GLRA3: variants seen among roughly 807,000 people sequenced by gnomAD.
The protein encoded by GLRA3 is glycine receptor alpha 3.
GLRA3 carries 44 observed loss-of-function variants against 60.4 expected under a neutral mutation model. The ratio of observed to expected loss-of-function variants is 0.73; its 90% CI spans 0.57 to 0.94. GLRA3 has a LOEUF of 0.94. GLRA3 is among the 40% of genes least tolerant of loss of function. The pLI, the probability that GLRA3 is intolerant of heterozygous loss-of-function variation, is 0.00. For synonymous variants in GLRA3, 223 were observed against 192.9 expected (o/e 1.16, Z -1.29); for missense variants, 508 against 564.6 (o/e 0.90, Z 1.02).
intron 4 of GLRA3, among the ~76,000 whole-genome samples, chr4:174,716,659 C>T (rs1481297184): frequency 6.6e-6 from 1 of 152,058 alleles, no homozygotes; most frequent in Non-Finnish European, 1.5e-5. Flanking sequence ...ACTTCAAATC[C>T]CCTATATTGC....
Position 174,643,123 on chromosome 4 carries a change from T to C in GLRA3, c.*663A>G. 1.1e-6 allele frequency: 1 copy of C among 904,426 alleles called. No homozygotes were observed. Among genetic ancestry groups the C allele is most frequent in the Non-Finnish European group, 1.3e-6 (1 of 757,054 alleles). The allele number at this position is 904,426 out of a possible 1,614,324, so 56.0% of individuals were successfully genotyped here. A position where few individuals can be genotyped will look rare whatever the true frequency, so the allele number is the denominator to read the frequency against. ...CTAGAGATACAAAGTTTAAGAAAAGTAGATTGTGACTGTAACACGATCTCT... is the reference window on the plus strand; with the variant it reads ...CTAGAGATACAAAGTTTAAGAAAAGCAGATTGTGACTGTAACACGATCTCT... On this transcript the variant is annotated 3_prime_UTR_variant, in exon 10 of 10. Transcript: ENST00000274093.
chr4:174,822,104 A>G (rs551576877), intron 1 of GLRA3, among the ~76,000 whole-genome samples: 15 of 152,320 alleles, frequency 9.8e-5, no homozygotes, highest in Non-Finnish European at 1.6e-4. Flanking sequence ...TCTAAAACAC[A>G]AATTGGAAAT....
At chr4:174,707,481 A>G (rs1735559586) in intron 5 of GLRA3, among the ~76,000 whole-genome samples, 1 of 152,148 alleles carries the variant, frequency 6.6e-6, no homozygotes, top group South Asian at 2.1e-4. Context: ...TGTATGTGTC[A>G]TCTGAAACTG....
intron 1 of GLRA3, among the ~76,000 whole-genome samples, chr4:174,822,649 G>A (rs571458993): frequency 1.3e-5 from 2 of 152,234 alleles, no homozygotes; most frequent in African/African-American, 4.8e-5. Context: ...ATCATTCTAT[G>A]TTGGCAATGG....
At position 174,642,784 on chromosome 4, in the gene GLRA3, GA is replaced by G; in HGVS notation, c.*1001del. The G allele has an allele frequency of 1.2e-6, 1 of 802,412 alleles. No homozygotes were observed. The highest frequency in any genetic ancestry group is 1.5e-6 in the Non-Finnish European group (1 of 663,312). 49.7% of individuals were successfully genotyped at this position (802,412 alleles called of 1,614,324 possible). Reference sequence around the variant, plus strand: ...GTTGAGACCCATAAAACATTGATGGGAAAATGGTTTTTATTAAAAAATCTTC... The same window carrying G: ...GTTGAGACCCATAAAACATTGATGGGAAATGGTTTTTATTAAAAAATCTTC... On this transcript the variant is annotated 3_prime_UTR_variant, in exon 10 of 10. Transcript: ENST00000274093.
chr4:174,757,656 G>C (rs930193951), intron 3 of GLRA3, among the ~76,000 whole-genome samples: 4 of 152,136 alleles, frequency 2.6e-5, no homozygotes, highest in African/African-American at 9.7e-5. Context: ...ATATTGATAT[G>C]AATAAATTAT....
intron 2 of GLRA3, among the ~76,000 whole-genome samples, chr4:174,776,680 C>T (rs1436567664): frequency 6.6e-6 from 1 of 151,994 alleles, no homozygotes; most frequent in African/African-American, 2.4e-5. Flanking sequence ...AACTGTGCAT[C>T]GTTAGTGTTG....
chr4:174,649,942 C>A (rs1459798031), intron 9 of GLRA3, among the ~76,000 whole-genome samples: 1 of 152,020 alleles, frequency 6.6e-6, no homozygotes, highest in Non-Finnish European at 1.5e-5. Flanking sequence ...TTGTCACAAC[C>A]GGATAAGAAA....
intron 5 of GLRA3, among the ~76,000 whole-genome samples, chr4:174,693,886 G>A (rs1012493832): frequency 6.6e-6 from 1 of 152,084 alleles, no homozygotes; most frequent in Admixed American, 6.6e-5. Context: ...TACAGATATG[G>A]AGGAAAATCT....
chr4:174,807,168 G>C (rs935595477), intron 1 of GLRA3, among the ~76,000 whole-genome samples: 1 of 151,804 alleles, frequency 6.6e-6, no homozygotes, highest in Non-Finnish European at 1.5e-5. Context: ...TCAAACTTAC[G>C]GTGTTGTAGC....
chr4:174,806,323 A>G lies in GLRA3; in HGVS notation c.72-17380T>C, dbSNP rs921359642. ...TTGAAAATCTAAGAGGAAACCAAAC[A>G]ACAAAATTTCAACATTCTTATAGAA... On this transcript the variant is annotated intron_variant, in intron 1 of 9. Transcript: ENST00000274093. Among the ~76,000 whole-genome samples the G allele has an allele frequency of 4.6e-5, 7 of 152,158 alleles. No individual in the cohort carries two copies. In the East Asian group the frequency reaches 5.8e-4, roughly 13 times the overall value.
At chr4:174,790,853 A>T (rs1344024394) in intron 1 of GLRA3, among the ~76,000 whole-genome samples, 1 of 148,684 alleles carries the variant, frequency 6.7e-6, no homozygotes, top group Non-Finnish European at 1.5e-5. Context: ...AAAAGAAAGA[A>T]ATTAGCCGGG....
chr4:174,739,951 T>C (rs558567329), intron 3 of GLRA3, among the ~76,000 whole-genome samples: 13 of 152,300 alleles, frequency 8.5e-5, no homozygotes, highest in African/African-American at 2.6e-4. Flanking sequence ...CCTTTCCCTA[T>C]TGAATGGGAA....
rs998415983 is a variant in GLRA3 at position 174,783,088 on chromosome 4, A to C, written c.199+5728T>G. Among the ~76,000 whole-genome samples the C allele has an allele frequency of 1.4e-4, 21 of 152,280 alleles. No individual in the cohort carries two copies. The South Asian group carries it at 1.7e-3, about 12-fold the overall frequency. On this transcript the variant is annotated intron_variant, in intron 2 of 9. Coordinates refer to ENST00000274093, the MANE Select transcript of GLRA3 (RefSeq NM_006529.4). ...CAACTATACTACAAGGCTACAGTAA[A>C]CAAAACAGCATGGTACTGGTACCAA...
At chr4:174,663,628 C>T (rs1274223493) in intron 7 of GLRA3, among the ~76,000 whole-genome samples, 3 of 152,204 alleles carry the variant, frequency 2.0e-5, no homozygotes, top group Admixed American at 1.3e-4. Context: ...CGAACCCCTT[C>T]ACCAATTTCA....
chr4:174,798,817 G>A (rs888237660), intron 1 of GLRA3, among the ~76,000 whole-genome samples: 6 of 152,106 alleles, frequency 3.9e-5, no homozygotes, highest in South Asian at 4.1e-4. Flanking sequence ...CCAGCTACTC[G>A]GGAGGCTGAG....
At chr4:174,816,889 G>T (rs1740524415) in intron 1 of GLRA3, among the ~76,000 whole-genome samples, 2 of 152,060 alleles carry the variant, frequency 1.3e-5, no homozygotes, top group Non-Finnish European at 2.9e-5. Context: ...GTGTGCATGA[G>T]ATTTTTTGAT....
At chr4:174,771,368 C>T (rs953626087) in intron 2 of GLRA3, among the ~76,000 whole-genome samples, 3 of 151,996 alleles carry the variant, frequency 2.0e-5, no homozygotes, top group Non-Finnish European at 2.9e-5. Context: ...GACTGGCATC[C>T]TTGAAAAGCT....
intron 1 of GLRA3, among the ~76,000 whole-genome samples, chr4:174,828,384 T>A (rs1396310076): frequency 6.6e-6 from 1 of 152,196 alleles, no homozygotes; most frequent in African/African-American, 2.4e-5. Context: ...AAATACTAAA[T>A]GTTTTGTAAC....
Sources: allele counts gnomAD v4.1 joint callset (sites outside exome capture counted in the v4.1 genomes callset), GRCh38; gene constraint gnomAD v4.1.1; transcripts MANE v1.5; gene names NCBI Gene and HGNC (gene_info 2026-07-23, HGNC 2026-07-21).